The following NAA60 variants were observed in gnomAD, a reference collection of about 807,000 sequenced individuals.
The protein encoded by NAA60 is N-alpha-acetyltransferase 60.
Under a neutral mutation model 26.1 loss-of-function variants are expected in NAA60, and 8 were observed. The observed-to-expected ratio is 0.31, with a 90% CI of 0.18 to 0.55. NAA60 has a LOEUF of 0.55. Among genes scored for constraint, NAA60 ranks in the 20% least tolerant of loss-of-function variants. NAA60 has a pLI of 0.93. For synonymous variants in NAA60, 131 were observed against 122.5 expected (o/e 1.07, Z -0.46); for missense variants, 290 against 311.3 (o/e 0.93, Z 0.51).
At chr16:3,482,460 C>T (rs1028020128) in intron 4 of NAA60, 42 bp from the exon 5 acceptor site, 2 of 1,500,522 alleles carry the variant, frequency 1.3e-6, no homozygotes, top group Admixed American at 1.9e-5. Flanking sequence ...GAGCCGTGCA[C>T]CAGACGTGTG....
At chr16:3,455,944 G>A (rs1361734324) in intron 2 of NAA60, among the ~76,000 whole-genome samples, 1 of 148,972 alleles carries the variant, frequency 6.7e-6, no homozygotes, top group Non-Finnish European at 1.5e-5. Context: ...TGACCTCATG[G>A]TTCACCCGAC....
At chr16:3,464,907 T>G (rs912626020) in intron 2 of NAA60, among the ~76,000 whole-genome samples, 4 of 152,194 alleles carry the variant, frequency 2.6e-5, no homozygotes, top group Non-Finnish European at 4.4e-5. Context: ...CTCAGTTGTC[T>G]CAAGCTGCTC....
chr16:3,477,084 G>C (rs1177605194), intron 3 of NAA60, among the ~76,000 whole-genome samples: 2 of 151,992 alleles, frequency 1.3e-5, no homozygotes, highest in African/African-American at 4.8e-5. Flanking sequence ...AGTCAGTCTA[G>C]AAAATAGTAT....
intron 2 of NAA60, chr16:3,456,612 C>T (rs1284412280): frequency 6.6e-6 from 1 of 152,206 alleles, no homozygotes; most frequent in African/African-American, 2.4e-5. Context: ...ACTTTTGGCA[C>T]ATAGCCTGAT....
chr16:3,468,559 G>A (rs8052078), intron 2 of NAA60, among the ~76,000 whole-genome samples: 2,187 of 152,284 alleles, frequency 0.014, 55 homozygotes, highest in African/African-American at 0.047. Context: ...GAAATATGAG[G>A]TCTACAGGCA....
At chr16:3,454,961 G>A (rs1049113761) in intron 2 of NAA60, among the ~76,000 whole-genome samples, 21 of 152,218 alleles carry the variant, frequency 1.4e-4, no homozygotes, top group African/African-American at 2.4e-5. Flanking sequence ...ATGAACCGTT[G>A]TGAAGATAAA....
chr16:3,483,680 C>T, intron 6 of NAA60, 83 bp downstream of exon 6: 2 of 1,076,116 alleles, frequency 1.9e-6, no homozygotes, highest in East Asian at 4.8e-5. Context: ...GAGCTGTGGT[C>T]CCCCTCAGAT....
chr16:3,483,253 A>T, intron 5 of NAA60, 110 bp from the exon 6 acceptor site: 1 of 792,184 alleles, frequency 1.3e-6, no homozygotes, highest in Non-Finnish European at 2.1e-6. Context: ...GGTCTCTGAT[A>T]CGGTGGGCCG....
At position 3,484,880 on chromosome 16, in the gene NAA60, G is replaced by A. The variant is rs1157275368; in HGVS notation, c.*25G>A. ...ATGTCGGCTGGGCAGCCGCCACCAG[G>A]CCCCACCCTTCGGCCGCCCGCAGAG... On this transcript the variant is annotated 3_prime_UTR_variant, in exon 7 of 8. Transcript: ENST00000407558. The A allele has an allele frequency of 9.7e-6, 15 of 1,551,960 alleles. No homozygotes were observed. Among genetic ancestry groups the A allele is most frequent in the East Asian group, 2.4e-5 (1 of 40,996 alleles).
chr16:3,484,438 C>T (rs2037045041), intron 6 of NAA60: 2 of 556,368 alleles, frequency 3.6e-6, no homozygotes, highest in Non-Finnish European at 6.4e-6. Flanking sequence ...CCGTGCATCC[C>T]TGGGTGTGGT....
intron 2 of NAA60, among the ~76,000 whole-genome samples, chr16:3,455,176 C>T (rs987371095): frequency 9.9e-5 from 15 of 151,856 alleles, no homozygotes; most frequent in African/African-American, 2.9e-4. Flanking sequence ...CTCAGACTCC[C>T]GAATAGCTGG....
At position 3,485,718 on chromosome 16, in the gene NAA60, CG is replaced by C. The variant is rs946996700; in HGVS notation, c.*460del. The C allele has an allele frequency of 8.8e-6, 4 of 456,226 alleles. No individual in the cohort carries two copies. The highest frequency in any genetic ancestry group is 8.8e-6 in the Non-Finnish European group (2 of 226,810). The allele number at this position is 456,226 out of a possible 1,614,324, so 28.3% of individuals were successfully genotyped here. On this transcript the variant is annotated 3_prime_UTR_variant, in exon 8 of 8. Coordinates refer to ENST00000407558, the MANE Select transcript of NAA60 (RefSeq NM_001083601.3). Reference sequence around the variant, plus strand: ...CTTGACCGTAAAGGCACAGGAGCCTCGGAACAAGGGGGCGCAATAAAGGGAA... The same window carrying C: ...CTTGACCGTAAAGGCACAGGAGCCTCGAACAAGGGGGCGCAATAAAGGGAA...
intron 2 of NAA60, among the ~76,000 whole-genome samples, chr16:3,450,995 T>C (rs1020626542): frequency 6.6e-6 from 1 of 152,256 alleles, no homozygotes; most frequent in Admixed American, 6.5e-5. Flanking sequence ...GGATTATAAC[T>C]CAGTGTTTAG....
At chr16:3,481,175 A>G (rs1283432115) in intron 4 of NAA60, among the ~76,000 whole-genome samples, 1 of 151,422 alleles carries the variant, frequency 6.6e-6, no homozygotes, top group Admixed American at 6.6e-5. Context: ...GGTGGAGTGC[A>G]GTGATGCGAT....
chr16:3,455,386 GTTTTTTTTT>G (rs35501650), intron 2 of NAA60, among the ~76,000 whole-genome samples: 1 of 101,962 alleles, frequency 9.8e-6, no homozygotes. Flanking sequence ...AGAGTTTTTA[GTTTTTTTTT>G]TTTTTTTTTT....
At chr16:3,480,767 A>G (rs2036780921) in intron 4 of NAA60, among the ~76,000 whole-genome samples, 2 of 152,150 alleles carry the variant, frequency 1.3e-5, no homozygotes, top group Admixed American at 1.3e-4. Context: ...TTAGCCAGGC[A>G]TGATGGCGCT....
At position 3,485,028 on chromosome 16, in the gene NAA60, G is replaced by A. The variant is rs2074524; in HGVS notation, c.*173G>A. 96,496 of 1,516,972 alleles carry A rather than the reference G, an allele frequency of 0.064. 4,470 individuals are homozygous for A. The highest frequency in any genetic ancestry group is 0.19 in the South Asian group (15,363 of 82,974). The allele number at this position is 1,516,972 out of a possible 1,614,324, so 94.0% of individuals were successfully genotyped here. ...TACACGGGCTCGGGAACAGAACATC[G>A]TGGGCATGCGCAGAGCATGCCCATC... On this transcript the variant is annotated 3_prime_UTR_variant, in exon 7 of 8. Coordinates refer to ENST00000407558, the MANE Select transcript of NAA60 (RefSeq NM_001083601.3).
rs3031367 is a variant in NAA60, at chr16:3,475,093, C to CT, written c.-6-1115dup. Among the ~76,000 whole-genome samples, 302 of 135,188 alleles carry CT rather than the reference C, an allele frequency of 2.2e-3. 6 individuals are homozygous for CT. In the East Asian group the frequency reaches 0.029, roughly 13 times the overall value. The allele number at this position is 135,188 out of a possible 152,430, so 88.7% of individuals were successfully genotyped here. On this transcript the variant is annotated intron_variant, in intron 2 of 7. Coordinates refer to ENST00000407558, the MANE Select transcript of NAA60 (RefSeq NM_001083601.3). ...ACCACACCCAGCCTTCCATCCTTTC[C>CT]TTTTTTTTTTTTTTGAGATGGAGTC...
chr16:3,481,355 G>C (rs1235470425), intron 4 of NAA60, among the ~76,000 whole-genome samples: 1 of 152,168 alleles, frequency 6.6e-6, no homozygotes, highest in Non-Finnish European at 1.5e-5. Flanking sequence ...GGAGTGCTAG[G>C]ATTACAGGTG....
Sources: gnomAD v4.1 joint callset for allele counts (sites outside exome capture counted in the v4.1 genomes callset) on GRCh38, gnomAD v4.1.1 for gene constraint, MANE v1.5 for transcripts, NCBI Gene and HGNC (gene_info 2026-07-23, HGNC 2026-07-21) for gene names.